LDB1: variants seen among roughly 807,000 people sequenced by gnomAD.
The protein encoded by LDB1 is LIM domain binding 1.
LDB1 carries 6 observed loss-of-function variants against 49.7 expected under a neutral mutation model. The observed-to-expected ratio is 0.12, with a 90% CI of 0.07 to 0.24. The LOEUF is 0.24. Ranked by LOEUF, LDB1 falls within the 10% of genes least tolerant of loss-of-function variation. LDB1 has a pLI of 1.00. For synonymous variants in LDB1, 233 were observed against 202.0 expected, an observed-to-expected ratio of 1.15 and a Z score of -1.30; for missense variants, 341 against 561.7, an observed-to-expected ratio of 0.61 and a Z score of 3.97.
downstream of LDB1, among the ~76,000 whole-genome samples, chr10:102,106,431 G>A (rs1321807986): frequency 6.6e-6 from 1 of 151,096 alleles, no homozygotes; most frequent in African/African-American, 2.4e-5. Context: ...GCAAGGATGG[G>A]GAAAAGATTG....
upstream of LDB1, among the ~76,000 whole-genome samples, chr10:102,121,255 CT>C: frequency 6.6e-6 from 1 of 152,238 alleles, no homozygotes; most frequent in South Asian, 2.1e-4. Flanking sequence ...CCCTTCCCCC[CT>C]TTCTCCAGCC....
chr10:102,109,211 G>C lies in LDB1; in HGVS notation c.857-34C>G. Reference sequence around the variant, plus strand: ...GTAAACGGAGACTCAGATGGGAGAGGGCCCCAGGTCCCCTATTCTCCATTG... The same window carrying C: ...GTAAACGGAGACTCAGATGGGAGAGCGCCCCAGGTCCCCTATTCTCCATTG... On this transcript the variant is annotated intron_variant, in intron 9 of 10. Transcript: ENST00000673968. The surrounding 1 kb of genome is among the most constrained non-coding windows in gnomAD (Gnocchi z 5.8). The C allele has an allele frequency of 2.5e-6, 4 of 1,612,278 alleles. No individual in the cohort carries two copies. The highest frequency in any genetic ancestry group is 3.4e-6 in the Non-Finnish European group (4 of 1,179,782).
intron 1 of LDB1, chr10:102,114,849 T>G: frequency 1.3e-6 from 1 of 782,840 alleles, no homozygotes; most frequent in Non-Finnish European, 1.5e-6. Context: ...GCCCCTCTGC[T>G]GGGGGCACCA....
intron 1 of LDB1, chr10:102,114,773 C>A: frequency 1.1e-6 from 1 of 941,800 alleles, no homozygotes. Flanking sequence ...CTTCTCGGCT[C>A]TCCCCGCCGC....
In LDB1 at chr10:102,109,393, C is replaced by T; in HGVS notation, c.847G>A (p.Ala283Thr). 6.2e-7 allele frequency: 1 copy of T among 1,614,128 alleles called. No individual in the cohort carries two copies. The highest frequency in any genetic ancestry group is 8.5e-7 in the Non-Finnish European group (1 of 1,180,032). The change falls in exon 9 of 11, where the codon GCA (alanine) becomes ACA (threonine). Residue 283 changes from alanine to threonine, a missense_variant. This residue lies in a region of LDB1 where 233 missense variants were observed against 385.7 expected (regional missense o/e 0.60). Coordinates refer to ENST00000673968, the MANE Select transcript of LDB1 (RefSeq NM_001113407.3). The surrounding 1 kb of genome is among the most constrained non-coding windows in gnomAD (Gnocchi z 5.8). ...CLFQKWQRMV[A>T]PPAEPTRQQP... ...GGTGCAAGGCACTCACCAGGGGGTG[C>T]TACCATGCGCTGCCACTTCTGGAAA... is the stretch of plus-strand genomic sequence containing the variant.
At chr10:102,118,564 C>T (rs2068361736) in intron 1 of LDB1, among the ~76,000 whole-genome samples, 2 of 152,226 alleles carry the variant, frequency 1.3e-5, no homozygotes, top group African/African-American at 4.8e-5. Context: ...CCACCTCCAG[C>T]CTGACAACCC....
At chr10:102,106,347 T>C (rs183639838), downstream of LDB1, among the ~76,000 whole-genome samples, 310 of 151,320 alleles carry the variant, frequency 2.0e-3, no homozygotes, top group African/African-American at 5.4e-3. Context: ...AGAAGTGTAA[T>C]TCAGGGAAAC....
chr10:102,108,738 T>C (rs2068206886), intron 10 of LDB1, among the ~76,000 whole-genome samples: 1 of 152,188 alleles, frequency 6.6e-6, no homozygotes, highest in African/African-American at 2.4e-5. Flanking sequence ...TGTGAGTGTG[T>C]GTGCTGGATG....
In LDB1 at chr10:102,109,531, T is replaced by C. The variant is rs766147610; in HGVS notation, c.733-24A>G. 6.2e-7 allele frequency: 1 copy of C among 1,614,044 alleles called. No individual in the cohort carries two copies. Among genetic ancestry groups the C allele is most frequent in the Non-Finnish European group, 8.5e-7 (1 of 1,179,968 alleles). ...AGCTAGGGGTAGACAAGGAGGTGGC[T>C]TGTCAGGGGACAGACATGGAGCCGA... On this transcript the variant is annotated intron_variant, in intron 8 of 10. Transcript: ENST00000673968. This position sits in a 1 kb window ranked among gnomAD's most constrained non-coding sequence, Gnocchi z 5.8.
chr10:102,107,762 CA>C lies in LDB1; in HGVS notation c.*330del. The C allele has an allele frequency of 2.6e-6, 1 of 383,484 alleles. No homozygotes were observed. 23.8% of individuals were successfully genotyped at this position (383,484 alleles called of 1,614,324 possible). A position where few individuals can be genotyped will look rare whatever the true frequency, so the allele number is the denominator to read the frequency against. On this transcript the variant is annotated 3_prime_UTR_variant, in exon 11 of 11. Transcript: ENST00000673968. ...ACCCCAGGCTTGAAAGGGGTAAAGT[CA>C]GGGGGATGGGAAACCCACAATCTGG...
rs568744441 is a variant in LDB1 at position 102,118,547 on chromosome 10, C to T, written c.25+1539G>A. Among the ~76,000 whole-genome samples the T allele has an allele frequency of 2.0e-5, 3 of 152,350 alleles. No homozygotes were observed. In the East Asian group the frequency reaches 5.8e-4, roughly 29 times the overall value. ...ACCCTGCCCCAACTTCAGGGCCAAC[C>T]TCCCATCCACCTCCAGCCTGACAAC... On this transcript the variant is annotated intron_variant, in intron 1 of 10. Coordinates refer to ENST00000673968, the MANE Select transcript of LDB1 (RefSeq NM_001113407.3).
In LDB1 at chr10:102,117,501, GC is replaced by G. The variant is rs532410179; in HGVS notation, c.25+2584del. 4.7e-3 allele frequency among the ~76,000 whole-genome samples: 720 copies of G among 152,268 alleles called. 10 individuals are homozygous for G. Among genetic ancestry groups the G allele is most frequent in the African/African-American group, 0.017 (688 of 41,562 alleles). ...GTGGGGACTCAAAGGACAGCAGCCA[GC>G]CCCAGCCCACAGGATGAGGTACCAG... On this transcript the variant is annotated intron_variant, in intron 1 of 10. Transcript: ENST00000673968. This position sits in a 1 kb window ranked among gnomAD's most constrained non-coding sequence, Gnocchi z 4.2.
intron 6 of LDB1, chr10:102,110,256 T>G: frequency 1.6e-6 from 1 of 631,842 alleles, no homozygotes; most frequent in Non-Finnish European, 2.7e-6. Flanking sequence ...TAACAGATCC[T>G]TGTCCTCTCC....
At position 102,110,958 on chromosome 10, in the gene LDB1, A is replaced by G; in HGVS notation, c.263T>C (p.Leu88Pro). ...CTCAGTCGTGAATGCATCCCACCAGAGATTGTCACACTCCTAGGGAGCATG... is the reference window on the plus strand; with the variant it reads ...CTCAGTCGTGAATGCATCCCACCAGGGATTGTCACACTCCTAGGGAGCATG... ...LQNWTEECDN[L>P]WWDAFTTEFF... Residue 88 changes from leucine (L) to proline (P), a missense_variant, in exon 5 of 11, where the codon CTC (leucine) becomes CCC (proline). Leu to Pro is a moderately conservative substitution (Grantham distance 98). Transcript: ENST00000673968. The G allele has an allele frequency of 1.9e-6, 3 of 1,613,972 alleles. No individual in the cohort carries two copies. The highest frequency in any genetic ancestry group is 2.5e-6 in the Non-Finnish European group (3 of 1,179,900).
rs1345125222 is a variant in LDB1 at position 102,106,648 on chromosome 10, C to T, written c.*1445G>A. On this transcript the variant is annotated 3_prime_UTR_variant, in exon 11 of 11. Transcript: ENST00000673968. Reference sequence around the variant, plus strand: ...CCTTCCCTCAGCTCCTGACTCAATACCCTTCCAAAAGTGGCAGCTGGAGTG... The same window carrying T: ...CCTTCCCTCAGCTCCTGACTCAATATCCTTCCAAAAGTGGCAGCTGGAGTG... Among the ~76,000 whole-genome samples the T allele has an allele frequency of 6.9e-6, 1 of 144,158 alleles. No individual in the cohort carries two copies. The highest frequency in any genetic ancestry group is 7.1e-5 in the Admixed American group (1 of 14,184). The allele number at this position is 144,158 out of a possible 152,430, so 94.6% of individuals were successfully genotyped here. A position where few individuals can be genotyped will look rare whatever the true frequency, so the allele number is the denominator to read the frequency against.
intron 1 of LDB1, among the ~76,000 whole-genome samples, chr10:102,113,579 G>C (rs2068286882): frequency 6.6e-6 from 1 of 152,096 alleles, no homozygotes; most frequent in Non-Finnish European, 1.5e-5. Context: ...CCAGAGGCCA[G>C]GCCTGGGCAA....
downstream of LDB1, among the ~76,000 whole-genome samples, chr10:102,105,093 G>T: frequency 6.6e-6 from 1 of 152,122 alleles, no homozygotes; most frequent in African/African-American, 2.4e-5. Context: ...GCCCTCCCTA[G>T]CTCAGCAGCA....
At chr10:102,119,951 C>A in intron 1 of LDB1, 135 bp downstream of exon 1, 1 of 573,870 alleles carries the variant, frequency 1.7e-6, no homozygotes, top group Non-Finnish European at 2.7e-6. Context: ...GCCTGAGGCC[C>A]CGCGTAGCCC....
At chr10:102,116,285 G>A (rs536806148) in intron 1 of LDB1, among the ~76,000 whole-genome samples, 3 of 152,290 alleles carry the variant, frequency 2.0e-5, no homozygotes, top group Admixed American at 1.3e-4. Flanking sequence ...GGGTTCAAGC[G>A]ATTCTCCTGC....
Sources: allele counts gnomAD v4.1 joint callset (sites outside exome capture counted in the v4.1 genomes callset), GRCh38; gene constraint gnomAD v4.1.1; regional missense constraint gnomAD v4.1.1; non-coding constraint Gnocchi (gnomAD v3.1); transcripts MANE v1.5; gene names NCBI Gene and HGNC (gene_info 2026-07-23, HGNC 2026-07-21).